IFT56: variants seen among roughly 807,000 people sequenced by gnomAD.
The protein encoded by IFT56 is intraflagellar transport 56, also known as intraflagellar transport protein 56.
chr7:139,184,035 C>T, the IFT56 span, among the ~76,000 whole-genome samples: 8 of 152,132 alleles, frequency 5.3e-5, no homozygotes, highest in Admixed American at 1.3e-4. Context: ...CGTTGTGCCC[C>T]GCATCTGGAC....
chr7:139,186,938 C>CA, the IFT56 span, among the ~76,000 whole-genome samples: 2 of 148,894 alleles, frequency 1.3e-5, no homozygotes, highest in Non-Finnish European at 1.5e-5. Context: ...ACTAAAAATA[C>CA]AAAAAATTAG....
the IFT56 span, among the ~76,000 whole-genome samples, chr7:139,180,795 G>A: frequency 2.6e-5 from 4 of 152,122 alleles, no homozygotes; most frequent in Middle Eastern, 3.2e-3. Flanking sequence ...TTGAAACGAC[G>A]AGTAGGATTG....
chr7:139,152,737 G>A, the IFT56 span, among the ~76,000 whole-genome samples: 1 of 152,122 alleles, frequency 6.6e-6, no homozygotes, highest in Non-Finnish European at 1.5e-5. Context: ...GCTTTATTGA[G>A]ATATAATTAA....
At chr7:139,142,567 C>T in the IFT56 span, among the ~76,000 whole-genome samples, 5,408 of 152,222 alleles carry the variant, frequency 0.036, 141 homozygotes, top group South Asian at 0.12. Context: ...TGATAGCTCA[C>T]GCCTGTAATC....
the IFT56 span, among the ~76,000 whole-genome samples, chr7:139,170,280 A>T: frequency 6.6e-6 from 1 of 152,182 alleles, no homozygotes; most frequent in Non-Finnish European, 1.5e-5. Flanking sequence ...TCTACCAAAC[A>T]TTTAAAGAAA....
At chr7:139,147,030 A>G in the IFT56 span, 1 of 1,547,506 alleles carries the variant, frequency 6.5e-7, no homozygotes, top group African/African-American at 1.4e-5. Flanking sequence ...TAGGAAGAAG[A>G]GAGAGACACA....
chr7:139,137,087 C>T, the IFT56 span, among the ~76,000 whole-genome samples: 178 of 152,130 alleles, frequency 1.2e-3, no homozygotes, highest in African/African-American at 4.2e-3. Context: ...TAGTGATGCT[C>T]CATAAATATG....
At chr7:139,166,035 G>A in the IFT56 span, among the ~76,000 whole-genome samples, 14 of 152,264 alleles carry the variant, frequency 9.2e-5, no homozygotes, top group East Asian at 3.9e-4. Context: ...TCCGCTCACC[G>A]CAACCTCTGC....
At chr7:139,190,072 A>C in the IFT56 span, 1 of 152,248 alleles carries the variant, frequency 6.6e-6, no homozygotes, top group African/African-American at 2.4e-5. Context: ...TTAAAAGGTG[A>C]GTACTATGAA....
chr7:139,186,925 T>G, the IFT56 span, among the ~76,000 whole-genome samples: 2 of 148,800 alleles, frequency 1.3e-5, no homozygotes, highest in African/African-American at 5.1e-5. Flanking sequence ...AAACCCCGTC[T>G]CTACTAAAAA....
chr7:139,139,480 A>C, the IFT56 span, among the ~76,000 whole-genome samples: 2 of 152,242 alleles, frequency 1.3e-5, no homozygotes, highest in African/African-American at 2.4e-5. Context: ...ATGCCAAAAA[A>C]GCCAGAAAAC....
At chr7:139,185,102 G>A in the IFT56 span, among the ~76,000 whole-genome samples, 1 of 151,542 alleles carries the variant, frequency 6.6e-6, no homozygotes, top group African/African-American at 2.4e-5. Flanking sequence ...TCAAGAGGCT[G>A]AGGCAGGAGA....
chr7:139,142,072 A>T, the IFT56 span, among the ~76,000 whole-genome samples: 2 of 152,368 alleles, frequency 1.3e-5, no homozygotes, highest in East Asian at 3.9e-4. Context: ...TTTCTCTTCT[A>T]GTTCTTGATG....
At chr7:139,161,639 G>A in the IFT56 span, among the ~76,000 whole-genome samples, 1 of 152,152 alleles carries the variant, frequency 6.6e-6, no homozygotes, top group African/African-American at 2.4e-5. Context: ...TAATAACTAT[G>A]CTTTTTCCTT....
At chr7:139,140,343 G>A in the IFT56 span, among the ~76,000 whole-genome samples, 2 of 152,224 alleles carry the variant, frequency 1.3e-5, no homozygotes, top group Non-Finnish European at 2.9e-5. Flanking sequence ...GGACTTTATC[G>A]CTGCTTTTCC....
the IFT56 span, among the ~76,000 whole-genome samples, chr7:139,139,170 A>T: frequency 3.9e-5 from 6 of 152,248 alleles, no homozygotes; most frequent in African/African-American, 1.2e-4. Flanking sequence ...AAGAACGTTC[A>T]TAACTAAAAT....
At chr7:139,187,655 T>C in the IFT56 span, 2 of 1,332,276 alleles carry the variant, frequency 1.5e-6, no homozygotes, top group Non-Finnish European at 2.0e-6. Context: ...TGTTTTAGAA[T>C]GATGAAAAAA....
At chr7:139,150,867 A>G in the IFT56 span, among the ~76,000 whole-genome samples, 1 of 152,218 alleles carries the variant, frequency 6.6e-6, no homozygotes, top group South Asian at 2.1e-4. Flanking sequence ...CAGATCTCAA[A>G]CTTTTGTCTG....
At chr7:139,135,582 G>A in the IFT56 span, among the ~76,000 whole-genome samples, 1 of 152,144 alleles carries the variant, frequency 6.6e-6, no homozygotes, top group Non-Finnish European at 1.5e-5. Context: ...ATTACCTAGG[G>A]TACTTAATAA....
Sources: gnomAD v4.1 joint callset for allele counts (sites outside exome capture counted in the v4.1 genomes callset) on GRCh38, gnomAD v4.1.1 for gene constraint, MANE v1.5 for transcripts, NCBI Gene and HGNC (gene_info 2026-07-23, HGNC 2026-07-21) for gene names.